YTHDC2: variants seen among roughly 807,000 people sequenced by gnomAD.
YTHDC2 encodes the protein 3'-5' RNA helicase YTHDC2.
A neutral mutation model predicts 174.9 loss-of-function variants in YTHDC2; 45 were observed. The ratio of observed to expected loss-of-function variants is 0.26; its 90% CI spans 0.20 to 0.33. The LOEUF is 0.33. Among genes scored for constraint, YTHDC2 ranks in the 10% least tolerant of loss-of-function variants. The pLI, the probability that YTHDC2 is intolerant of heterozygous loss-of-function variation, is 1.00. For missense variants in YTHDC2, 1,650 were observed against 1,723.7 expected (o/e 0.96, Z 0.76); for synonymous variants, 657 against 574.5 (o/e 1.14, Z -2.05).
chr5:113,560,568 T>C (rs551671341), intron 17 of YTHDC2, among the ~76,000 whole-genome samples: 38 of 152,320 alleles, frequency 2.5e-4, no homozygotes, highest in African/African-American at 8.4e-4. Context: ...TTAGCTGATA[T>C]AGTGACTTTG....
At chr5:113,573,743 C>T (rs1033532863) in intron 23 of YTHDC2, among the ~76,000 whole-genome samples, 1 of 152,038 alleles carries the variant, frequency 6.6e-6, no homozygotes, top group African/African-American at 2.4e-5. Context: ...AGATTCTATT[C>T]TCTGCTTGGT....
chr5:113,563,985 A>G lies in YTHDC2; in HGVS notation c.2569A>G (p.Ile857Val), dbSNP rs1366423756. ...CAVVLKCLDP[I>V]LTIACTLAYR... ...TGTTGTTTTAAAGTGTCTGGACCCC[A>G]TCCTTACAATTGCTTGCACACTAGC... Residue 857 changes from isoleucine to valine, a missense_variant, in exon 20 of 30, where the codon ATC (isoleucine) becomes GTC (valine). Ile to Val is a conservative substitution (Grantham distance 29, BLOSUM62 3). Coordinates refer to ENST00000161863, the MANE Select transcript of YTHDC2 (RefSeq NM_022828.5). 6.2e-7 allele frequency: 1 copy of G among 1,614,148 alleles called. No individual in the cohort carries two copies.
At chr5:113,530,497 A>G (rs1414970183) in intron 4 of YTHDC2, among the ~76,000 whole-genome samples, 1 of 152,176 alleles carries the variant, frequency 6.6e-6, no homozygotes, top group Non-Finnish European at 1.5e-5. Flanking sequence ...ACTTTCAAAT[A>G]ACACTATACC....
rs1221084206 is a variant in YTHDC2 at position 113,525,005 on chromosome 5, T to C, written c.303T>C (p.Thr101=). 3 of 1,605,468 alleles carry C rather than the reference T, an allele frequency of 1.9e-6. No homozygotes were observed. Among genetic ancestry groups the C allele is most frequent in the Non-Finnish European group, 2.5e-6 (3 of 1,177,236 alleles). ...SKGKGANRYL[T]VKKKDGSETA... ...GAAAGGGAGCAAATAGATACCTAAC[T>C]GTGAAGAAGAAAGATGGATCAGAAA... Residue 101 remains threonine, a synonymous_variant, in exon 3 of 30, where the codon ACT becomes ACC. Coordinates refer to ENST00000161863, the MANE Select transcript of YTHDC2 (RefSeq NM_022828.5).
At chr5:113,526,448 A>C (rs537311557) in intron 3 of YTHDC2, 138 bp from the exon 4 acceptor site, 1 of 607,120 alleles carries the variant, frequency 1.6e-6, no homozygotes, top group African/African-American at 1.9e-5. Context: ...GTAGAGAAGA[A>C]AACATTTGAA....
intron 10 of YTHDC2, among the ~76,000 whole-genome samples, chr5:113,545,580 T>G (rs1055485483): frequency 6.6e-6 from 1 of 152,078 alleles, no homozygotes; most frequent in African/African-American, 2.4e-5. Context: ...CCTGTTTCTC[T>G]TCTTTTGTTG....
At chr5:113,572,897 TG>T (rs1777823632) in intron 23 of YTHDC2, among the ~76,000 whole-genome samples, 1 of 152,226 alleles carries the variant, frequency 6.6e-6, no homozygotes, top group African/African-American at 2.4e-5. Flanking sequence ...TCGTGGGTCT[TG>T]GCTCTTTATC....
chr5:113,527,674 A>G (rs1272368156), intron 4 of YTHDC2, among the ~76,000 whole-genome samples: 1 of 152,188 alleles, frequency 6.6e-6, no homozygotes, highest in Admixed American at 6.5e-5. Context: ...GGACTTAAAC[A>G]TTTTTACAGA....
intron 16 of YTHDC2, among the ~76,000 whole-genome samples, chr5:113,555,754 C>T (rs539188945): frequency 2.6e-4 from 39 of 152,268 alleles, no homozygotes; most frequent in Non-Finnish European, 4.1e-4. Flanking sequence ...ATCTTGATGT[C>T]TTATGAGAAC....
At position 113,565,881 on chromosome 5, in the gene YTHDC2, C is replaced by A; in HGVS notation, c.2716-12C>A. 6.2e-7 allele frequency: 1 copy of A among 1,608,574 alleles called. No individual in the cohort carries two copies. Among genetic ancestry groups the A allele is most frequent in the Middle Eastern group, 1.7e-4 (1 of 6,018 alleles). On this transcript the variant is annotated splice_polypyrimidine_tract_variant and intron_variant, in intron 20 of 29. Transcript: ENST00000161863. ...AAATGTGTCTTGTTATGCAATTATT[C>A]TCTTTTTATAGGCCTGGCAAAAAGC...
chr5:113,542,346 T>A, intron 9 of YTHDC2, 22 bp from the exon 10 acceptor site: 2 of 1,601,740 alleles, frequency 1.2e-6, no homozygotes, highest in Non-Finnish European at 1.7e-6. Flanking sequence ...TGATAATTTA[T>A]GATTTTTACT....
chr5:113,550,841 A>T (rs1479387844), intron 12 of YTHDC2, among the ~76,000 whole-genome samples: 1 of 152,024 alleles, frequency 6.6e-6, no homozygotes, highest in Non-Finnish European at 1.5e-5. Flanking sequence ...TGTCTTTTAG[A>T]TAGAAATTTT....
chr5:113,569,407 A>G (rs775068261), intron 23 of YTHDC2, among the ~76,000 whole-genome samples: 6 of 152,182 alleles, frequency 3.9e-5, no homozygotes, highest in Non-Finnish European at 8.8e-5. Flanking sequence ...TTTTATCATG[A>G]AATCTTTGCC....
intron 26 of YTHDC2, among the ~76,000 whole-genome samples, chr5:113,586,932 A>G (rs1289551291): frequency 1.7e-5 from 2 of 114,772 alleles, no homozygotes; most frequent in African/African-American, 6.8e-5. Context: ...ATATAAATAT[A>G]TATTATGTAT....
At chr5:113,548,720 C>G (rs752515750) in intron 11 of YTHDC2, 53 bp downstream of exon 11, 4 of 1,502,084 alleles carry the variant, frequency 2.7e-6, no homozygotes, top group Non-Finnish European at 3.5e-6. Flanking sequence ...CTACACATAT[C>G]TTTTTTTGTT....
At chr5:113,581,162 AT>A (rs1193670279) in intron 24 of YTHDC2, 2 of 320,640 alleles carry the variant, frequency 6.2e-6, no homozygotes, top group East Asian at 1.1e-4. Context: ...TCCAGTATTA[AT>A]CACACTCTGC....
At position 113,583,413 on chromosome 5, in the gene YTHDC2, A is replaced by G. The variant is rs374749099; in HGVS notation, c.3648-889A>G. On this transcript the variant is annotated intron_variant, in intron 25 of 29. Coordinates refer to ENST00000161863, the MANE Select transcript of YTHDC2 (RefSeq NM_022828.5). ...TCAGTGGTACTGTGAGATGTCCTACATTCTGAATTTGTCTCTGTTTTTTTC... is the reference window on the plus strand; with the variant it reads ...TCAGTGGTACTGTGAGATGTCCTACGTTCTGAATTTGTCTCTGTTTTTTTC... The G allele has an allele frequency of 3.9e-5, 6 of 152,298 alleles. No homozygotes were observed. In the East Asian group the frequency reaches 7.7e-4, roughly 20 times the overall value. The allele number at this position is 152,298 out of a possible 1,614,324, so 9.4% of individuals were successfully genotyped here.
intron 2 of YTHDC2, among the ~76,000 whole-genome samples, chr5:113,520,109 T>C (rs1325613116): frequency 1.3e-5 from 2 of 152,186 alleles, no homozygotes; most frequent in Non-Finnish European, 2.9e-5. Context: ...GTCCATGTGT[T>C]CTCATTTTTC....
chr5:113,588,632 T>TC (rs1778821346), intron 26 of YTHDC2, among the ~76,000 whole-genome samples: 1 of 143,094 alleles, frequency 7.0e-6, no homozygotes, highest in East Asian at 2.0e-4. Flanking sequence ...ATTTATATTA[T>TC]TTTTTTTTGA....
Sources: allele counts gnomAD v4.1 joint callset (sites outside exome capture counted in the v4.1 genomes callset), GRCh38; gene constraint gnomAD v4.1.1; transcripts MANE v1.5; gene names NCBI Gene and HGNC (gene_info 2026-07-23, HGNC 2026-07-21).